Variants in PALLD observed in about 807,000 individuals in gnomAD.
PALLD encodes palladin.
Under a neutral mutation model 123.5 loss-of-function variants are expected in PALLD, and 61 were observed. That is an observed-to-expected ratio of 0.49 (90% CI 0.40 to 0.61). The LOEUF is 0.61. Among genes scored for constraint, PALLD ranks in the 20% least tolerant of loss-of-function variants. The pLI, the probability that PALLD is intolerant of heterozygous loss-of-function variation, is 0.00. For synonymous variants in PALLD, 465 were observed against 496.4 expected, an observed-to-expected ratio of 0.94 and a Z score of 0.84; for missense variants, 1,273 against 1,377.0, an observed-to-expected ratio of 0.92 and a Z score of 1.20.
intron 2 of PALLD, chr4:168,631,965 G>A (rs890301267): frequency 2.1e-6 from 2 of 936,352 alleles, no homozygotes; most frequent in Middle Eastern, 5.4e-4. Context: ...TTTCCAGGCA[G>A]TGGCATGCAA....
chr4:168,572,047 A>G (rs1561260492), intron 2 of PALLD, among the ~76,000 whole-genome samples: 1 of 152,100 alleles, frequency 6.6e-6, no homozygotes, highest in African/African-American at 2.4e-5. Flanking sequence ...TGGCCCTTGT[A>G]ATACCTGAAG....
At chr4:168,501,974 A>G (rs1287796764) in intron 1 of PALLD, among the ~76,000 whole-genome samples, 1 of 152,098 alleles carries the variant, frequency 6.6e-6, no homozygotes, top group African/African-American at 2.4e-5. Flanking sequence ...GATCAAACCA[A>G]GTATAAAAAG....
intron 10 of PALLD, among the ~76,000 whole-genome samples, chr4:168,799,506 C>T (rs1165045549): frequency 6.6e-6 from 1 of 152,134 alleles, no homozygotes; most frequent in Non-Finnish European, 1.5e-5. Context: ...ATTGTGCTAC[C>T]TTTTATTCAG....
intron 15 of PALLD, among the ~76,000 whole-genome samples, chr4:168,908,169 C>G (rs1280177876): frequency 6.6e-6 from 1 of 152,098 alleles, no homozygotes; most frequent in Non-Finnish European, 1.5e-5. Flanking sequence ...GAGTAAAACC[C>G]CTTCTTTTCT....
At chr4:168,582,721 C>T (rs747343695) in intron 2 of PALLD, among the ~76,000 whole-genome samples, 8 of 152,042 alleles carry the variant, frequency 5.3e-5, no homozygotes, top group Admixed American at 6.6e-5. Flanking sequence ...TGTGGTATGT[C>T]ACATTTATTG....
intron 10 of PALLD, among the ~76,000 whole-genome samples, chr4:168,805,635 C>G (rs926140359): frequency 6.6e-6 from 1 of 152,094 alleles, no homozygotes; most frequent in African/African-American, 2.4e-5. Flanking sequence ...CCCCTAAACT[C>G]GTACATGCTT....
chr4:168,865,606 A>G (rs58650255), intron 10 of PALLD, among the ~76,000 whole-genome samples: 3,880 of 152,278 alleles, frequency 0.025, 170 homozygotes, highest in African/African-American at 0.089. Flanking sequence ...GGCCTATGTT[A>G]ATAGAAATTT....
chr4:168,769,823 T>C (rs1174154507), intron 10 of PALLD, among the ~76,000 whole-genome samples: 1 of 152,192 alleles, frequency 6.6e-6, no homozygotes, highest in African/African-American at 2.4e-5. Flanking sequence ...GTGGGTGATA[T>C]TTTTCATTTC....
intron 2 of PALLD, among the ~76,000 whole-genome samples, chr4:168,622,171 C>T (rs1403690005): frequency 1.3e-5 from 2 of 152,186 alleles, no homozygotes; most frequent in Non-Finnish European, 1.5e-5. Flanking sequence ...CACACAGCCC[C>T]TCACATGCAG....
intron 2 of PALLD, among the ~76,000 whole-genome samples, chr4:168,602,009 G>A (rs1772709978): frequency 6.6e-6 from 1 of 152,140 alleles, no homozygotes; most frequent in African/African-American, 2.4e-5. Context: ...AGACAGGAGG[G>A]GATAATGGGG....
chr4:168,676,681 G>A (rs1780873173), intron 3 of PALLD, among the ~76,000 whole-genome samples: 2 of 151,596 alleles, frequency 1.3e-5, no homozygotes, highest in East Asian at 3.9e-4. Context: ...CACCTCCTGG[G>A]TTCACACCAT....
chr4:168,644,191 T>C (rs150056272), intron 2 of PALLD, among the ~76,000 whole-genome samples: 3,219 of 151,750 alleles, frequency 0.021, 125 homozygotes, highest in African/African-American at 0.074. Context: ...CGGGTTCAAG[T>C]GATTCTGTTG....
At chr4:168,730,906 A>G (rs1014031694) in intron 10 of PALLD, among the ~76,000 whole-genome samples, 2 of 152,122 alleles carry the variant, frequency 1.3e-5, no homozygotes, top group African/African-American at 4.8e-5. Flanking sequence ...TCCGAGTTTG[A>G]AACCCTTTTG....
At position 168,858,390 on chromosome 4, in the gene PALLD, G is replaced by A. The variant is rs193204233; in HGVS notation, c.1965-32532G>A. On this transcript the variant is annotated intron_variant, in intron 10 of 21. Transcript: ENST00000505667. ...AGATGCTATCTTTTATTTCGAGTGT[G>A]AAGAAAGTATCCATTGTAATCTCTT... Among the ~76,000 whole-genome samples the A allele has an allele frequency of 4.3e-3, 653 of 152,284 alleles. 4 individuals are homozygous for A. The highest frequency in any genetic ancestry group is 0.014 in the African/African-American group (583 of 41,568).
At chr4:168,695,748 A>G (rs1783071617) in intron 8 of PALLD, among the ~76,000 whole-genome samples, 1 of 152,146 alleles carries the variant, frequency 6.6e-6, no homozygotes, top group African/African-American at 2.4e-5. Context: ...AAATAATAGT[A>G]TTTTTCTTTC....
At chr4:168,712,299 T>A (rs1784907440) in intron 10 of PALLD, 2 of 301,266 alleles carry the variant, frequency 6.6e-6, no homozygotes, top group Non-Finnish European at 1.3e-5. Flanking sequence ...TTTGCATTTG[T>A]TACTTTAAAT....
intron 2 of PALLD, among the ~76,000 whole-genome samples, chr4:168,651,072 A>G (rs956463349): frequency 6.6e-6 from 1 of 152,202 alleles, no homozygotes; most frequent in African/African-American, 2.4e-5. Flanking sequence ...TGTAATTCCA[A>G]GATTGATGCA....
intron 2 of PALLD, among the ~76,000 whole-genome samples, chr4:168,663,105 T>G (rs967892252): frequency 6.6e-6 from 1 of 152,250 alleles, no homozygotes; most frequent in Non-Finnish European, 1.5e-5. Flanking sequence ...TGTAAGCATA[T>G]TCTTCTTTGA....
chr4:168,752,730 G>A (rs1731226769), intron 10 of PALLD, among the ~76,000 whole-genome samples: 1 of 135,362 alleles, frequency 7.4e-6, no homozygotes, highest in African/African-American at 2.6e-5. Flanking sequence ...TTGAAAATAT[G>A]GTAGTAATTT....
Sources: gnomAD v4.1 joint callset for allele counts (sites outside exome capture counted in the v4.1 genomes callset) on GRCh38, gnomAD v4.1.1 for gene constraint, MANE v1.5 for transcripts, NCBI Gene and HGNC (gene_info 2026-07-23, HGNC 2026-07-21) for gene names.